BLOC1S6: variants seen among roughly 807,000 people sequenced by gnomAD.
BLOC1S6 encodes biogenesis of lysosomal organelles complex 1 subunit 6.
Under a neutral mutation model 24.7 loss-of-function variants are expected in BLOC1S6, and 24 were observed. The ratio of observed to expected loss-of-function variants is 0.97; its 90% CI spans 0.70 to 1.37. The LOEUF (loss-of-function observed/expected upper bound fraction) is 1.37. BLOC1S6 is among the 40% of genes most tolerant of loss of function. The probability of loss-of-function intolerance (pLI) is 0.00; values close to 1 mark genes in which losing one functional copy is unlikely to be tolerated. For missense variants in BLOC1S6, 175 were observed against 196.2 expected (o/e 0.89, Z 0.64); for synonymous variants, 76 against 72.6 (o/e 1.05, Z -0.23).
At chr15:45,594,282 G>A (rs118186078) in intron 2 of BLOC1S6, among the ~76,000 whole-genome samples, 1 of 152,038 alleles carries the variant, frequency 6.6e-6, no homozygotes, top group African/African-American at 2.4e-5. Context: ...TATAAGAAAG[G>A]TTATAAATAT....
upstream of BLOC1S6, chr15:45,587,254 G>T: frequency 9.4e-6 from 6 of 641,444 alleles, no homozygotes; most frequent in Non-Finnish European, 1.7e-5. Flanking sequence ...ATATCAGCGC[G>T]GGGTCCCCAC....
At chr15:45,603,636 C>T (rs2140916888) in intron 3 of BLOC1S6, among the ~76,000 whole-genome samples, 1 of 152,258 alleles carries the variant, frequency 6.6e-6, no homozygotes, top group Non-Finnish European at 1.5e-5. Flanking sequence ...ATTGCTTGAG[C>T]CCAGGAGGTC....
chr15:45,606,655 CT>C lies in BLOC1S6; in HGVS notation c.*147del. The C allele has an allele frequency of 8.3e-6, 10 of 1,201,220 alleles. No individual in the cohort carries two copies. The highest frequency in any genetic ancestry group is 1.3e-5 in the South Asian group (1 of 75,604). The allele number at this position is 1,201,220 out of a possible 1,614,324, so 74.4% of individuals were successfully genotyped here. On this transcript the variant is annotated 3_prime_UTR_variant, in exon 5 of 5. Coordinates refer to ENST00000220531, the MANE Select transcript of BLOC1S6 (RefSeq NM_012388.4). ...TTCCGGTATTACTGTGTCTCCATGC[CT>C]TTTTTCCAAGTAGCAGACGTCATGT...
intron 1 of BLOC1S6, 63 bp downstream of exon 1, chr15:45,587,588 G>T: frequency 6.9e-7 from 1 of 1,454,630 alleles, no homozygotes. Flanking sequence ...ACCTGAGTGA[G>T]TAGAACTCCG....
At chr15:45,603,424 C>G (rs1875531432) in intron 3 of BLOC1S6, among the ~76,000 whole-genome samples, 1 of 152,158 alleles carries the variant, frequency 6.6e-6, no homozygotes, top group African/African-American at 2.4e-5. Context: ...GAAAAGAGAA[C>G]TTAGACTTGG....
intron 2 of BLOC1S6, among the ~76,000 whole-genome samples, chr15:45,595,857 T>C (rs1034966758): frequency 1.3e-5 from 2 of 151,932 alleles, no homozygotes; most frequent in African/African-American, 4.8e-5. Context: ...GCCCAGGCTG[T>C]AGTGCAATGG....
chr15:45,587,204 C>G (rs1893702180), upstream of BLOC1S6: 7 of 588,616 alleles, frequency 1.2e-5, no homozygotes, highest in East Asian at 2.1e-4. Context: ...GAGCCCCACA[C>G]TGCTGAGTCC....
chr15:45,592,105 G>T (rs1327499023), intron 1 of BLOC1S6, 30 bp from the exon 2 acceptor site: 4 of 1,612,466 alleles, frequency 2.5e-6, no homozygotes, highest in Non-Finnish European at 3.4e-6. Flanking sequence ...TAAATAAAAG[G>T]TTCCTAAATT....
chr15:45,606,991 G>GGTAA lies in BLOC1S6; in HGVS notation c.*478_*481dup, dbSNP rs148133166. ...TAATCACACCTACCCCTGGAAAAGA[G>GGTAA]GTAAACCTTTTGAACAGTTGAATTT... is the stretch of plus-strand genomic sequence containing the variant. On this transcript the variant is annotated 3_prime_UTR_variant, in exon 5 of 5. Coordinates refer to ENST00000220531, the MANE Select transcript of BLOC1S6 (RefSeq NM_012388.4). The GGTAA allele has an allele frequency of 4.9e-3, 777 of 159,912 alleles. 1 individual carries two copies. The highest frequency in any genetic ancestry group is 0.016 in the Middle Eastern group (5 of 306). The allele number at this position is 159,912 out of a possible 1,614,324, so 9.9% of individuals were successfully genotyped here.
intron 1 of BLOC1S6, among the ~76,000 whole-genome samples, chr15:45,591,140 C>G (rs779585978): frequency 3.3e-5 from 5 of 152,142 alleles, no homozygotes; most frequent in Non-Finnish European, 5.9e-5. Context: ...ACACTATTTT[C>G]TATGGTAAAT....
rs893620707 is a variant in BLOC1S6 at position 45,587,530 on chromosome 15, G to A, written c.82+5G>A. 4.5e-6 allele frequency: 7 copies of A among 1,567,992 alleles called. No individual in the cohort carries two copies. Among genetic ancestry groups the A allele is most frequent in the Admixed American group, 3.7e-5 (2 of 54,146 alleles). ...AGGCCGGGGAGCCGACGCCTGGTAC[G>A]TACTATCGGGTGGGAAGCGCGGCCC... On this transcript the variant is annotated splice_donor_5th_base_variant and intron_variant, in intron 1 of 4. Coordinates refer to ENST00000220531, the MANE Select transcript of BLOC1S6 (RefSeq NM_012388.4).
rs998724610 is a variant in BLOC1S6, at chr15:45,587,835, G to A, written c.82+310G>A. 5.8e-6 allele frequency: 4 copies of A among 690,038 alleles called. No individual in the cohort carries two copies. In the African/African-American group the frequency reaches 7.1e-5, roughly 12 times the overall value. 42.7% of individuals were successfully genotyped at this position (690,038 alleles called of 1,614,324 possible). Reference sequence around the variant, plus strand: ...TATTTGTCATACGGCAGTGGTGGGGGATGGATTTACCAGAAAGATGATCAG... The same window carrying A: ...TATTTGTCATACGGCAGTGGTGGGGAATGGATTTACCAGAAAGATGATCAG... On this transcript the variant is annotated intron_variant, in intron 1 of 4. Coordinates refer to ENST00000220531, the MANE Select transcript of BLOC1S6 (RefSeq NM_012388.4).
intron 1 of BLOC1S6, among the ~76,000 whole-genome samples, chr15:45,590,368 A>G (rs1055112867): frequency 6.6e-6 from 1 of 151,872 alleles, no homozygotes. Flanking sequence ...GATTTTCAAA[A>G]AGCTTACTTC....
intron 1 of BLOC1S6, among the ~76,000 whole-genome samples, chr15:45,589,307 C>T (rs755812855): frequency 5.2e-4 from 79 of 152,340 alleles, no homozygotes; most frequent in Admixed American, 1.2e-3. Context: ...AAGACAATTT[C>T]TGGAAGGCTC....
intron 2 of BLOC1S6, among the ~76,000 whole-genome samples, chr15:45,594,252 G>T (rs1336232206): frequency 6.6e-6 from 1 of 151,848 alleles, no homozygotes; most frequent in African/African-American, 2.4e-5. Context: ...GGAAGACCAA[G>T]AAAAAAATTT....
intron 2 of BLOC1S6, chr15:45,599,405 AC>A (rs1894188842): frequency 9.0e-6 from 1 of 111,574 alleles, no homozygotes; most frequent in African/African-American, 5.2e-5. Context: ...GCAACCTACA[AC>A]ATGGGAGAAA....
At chr15:45,604,305 C>T (rs139677979) in intron 3 of BLOC1S6, among the ~76,000 whole-genome samples, 913 of 152,236 alleles carry the variant, frequency 6.0e-3, no homozygotes, top group African/African-American at 0.021. Context: ...TAATGTTTTC[C>T]ATTTGTAACA....
At chr15:45,593,543 A>G (rs772981974) in intron 2 of BLOC1S6, among the ~76,000 whole-genome samples, 8 of 152,174 alleles carry the variant, frequency 5.3e-5, no homozygotes, top group Admixed American at 1.3e-4. Flanking sequence ...TTTGATGCCA[A>G]TCAATCTTTG....
intron 2 of BLOC1S6, chr15:45,601,396 C>CT (rs1894265372): frequency 6.5e-6 from 1 of 154,272 alleles, no homozygotes; most frequent in Non-Finnish European, 1.5e-5. Context: ...CCGGTACTGT[C>CT]TTTTTTGGAA....
Sources: allele counts gnomAD v4.1 joint callset (sites outside exome capture counted in the v4.1 genomes callset), GRCh38; gene constraint gnomAD v4.1.1; transcripts MANE v1.5; gene names NCBI Gene and HGNC (gene_info 2026-07-23, HGNC 2026-07-21).